The following SLC12A6 variants were observed in gnomAD, a reference collection of about 807,000 sequenced individuals.
The protein encoded by SLC12A6 is solute carrier family 12 member 6.
A neutral mutation model predicts 135.3 loss-of-function variants in SLC12A6; 66 were observed. The ratio of observed to expected loss-of-function variants is 0.49; its 90% confidence interval spans 0.40 to 0.60. The LOEUF is 0.60. SLC12A6 is among the 20% of genes least tolerant of loss of function. SLC12A6 has a pLI of 0.00. For synonymous variants in SLC12A6, 513 were observed against 508.8 expected (o/e 1.01, Z -0.11); for missense variants, 1,058 against 1,452.3 (o/e 0.73, Z 4.41).
intron 2 of SLC12A6, among the ~76,000 whole-genome samples, chr15:34,333,367 T>A (rs567294669): frequency 6.6e-6 from 1 of 151,922 alleles, no homozygotes; most frequent in Non-Finnish European, 1.5e-5. Context: ...GCAGCTGGGA[T>A]TACAGGCGCA....
intron 23 of SLC12A6, 117 bp from the exon 24 acceptor site, chr15:34,236,316 T>C (rs1324245172): frequency 2.5e-6 from 2 of 796,186 alleles, no homozygotes; most frequent in African/African-American, 1.7e-5. Context: ...GAGAAGGAAT[T>C]TGTCATCCTT....
chr15:34,240,640 C>T (rs1282045033), intron 19 of SLC12A6, 21 bp downstream of exon 19: 6 of 1,607,736 alleles, frequency 3.7e-6, no homozygotes, highest in Middle Eastern at 1.7e-4. Context: ...AGTTCCAATA[C>T]CTCAAAAGCC....
At chr15:34,302,243 C>T (rs1030957054) in intron 2 of SLC12A6, among the ~76,000 whole-genome samples, 4 of 151,902 alleles carry the variant, frequency 2.6e-5, no homozygotes, top group African/African-American at 9.7e-5. Flanking sequence ...GTTTATTGGG[C>T]CAAATCCACA....
rs189961485 is a variant in SLC12A6, at chr15:34,264,361, G to A, written c.317-3341C>T. On this transcript the variant is annotated intron_variant, in intron 3 of 25. Coordinates refer to ENST00000354181, the MANE Select transcript of SLC12A6 (RefSeq NM_001365088.1). ...ATGATGTATTCTTTCCAAAAGAATG[G>A]AAGTTGAATCTAATCAAGCCTCGAA... Among the ~76,000 whole-genome samples the A allele has an allele frequency of 8.5e-5, 13 of 152,250 alleles. No homozygotes were observed. The South Asian group carries it at 2.5e-3, about 29-fold the overall frequency.
rs1234396852 is a variant in SLC12A6, at chr15:34,330,116, T to C, written c.271+6294A>G. Among the ~76,000 whole-genome samples, 6 of 152,330 alleles carry C rather than the reference T, an allele frequency of 3.9e-5. No homozygotes were observed. In the East Asian group the frequency reaches 1.2e-3, roughly 29 times the overall value. On this transcript the variant is annotated intron_variant, in intron 2 of 25. Transcript: ENST00000354181. The stretch of plus-strand genomic sequence containing the variant: ...CCCCCACTCGTCTCAAAAGTATCTT[T>C]TTTCAATTGTTTTATGCACATCAGA...
chr15:34,238,577 C>T (rs1228326955), intron 20 of SLC12A6, 176 bp from the exon 21 acceptor site: 1 of 656,530 alleles, frequency 1.5e-6, no homozygotes, highest in Non-Finnish European at 2.7e-6. Context: ...GAATAGCTAA[C>T]AGACTGAGAA....
chr15:34,294,488 C>T (rs116417207), intron 2 of SLC12A6, among the ~76,000 whole-genome samples: 3,862 of 152,250 alleles, frequency 0.025, 151 homozygotes, highest in African/African-American at 0.083. Flanking sequence ...AACTCTTGAC[C>T]GCGTGATTCA....
At chr15:34,326,627 C>A (rs9972432) in intron 2 of SLC12A6, among the ~76,000 whole-genome samples, 1 of 151,956 alleles carries the variant, frequency 6.6e-6, no homozygotes, top group South Asian at 2.1e-4. Flanking sequence ...AATACCTATT[C>A]TTATGCCAGA....
chr15:34,310,915 C>CTGTAAA (rs1888208877), intron 2 of SLC12A6, among the ~76,000 whole-genome samples: 1 of 151,956 alleles, frequency 6.6e-6, no homozygotes, highest in South Asian at 2.1e-4. Context: ...CCACCAAGCC[C>CTGTAAA]AGCCAAATCA....
At chr15:34,290,458 G>C (rs558467313) in intron 2 of SLC12A6, among the ~76,000 whole-genome samples, 52 of 152,312 alleles carry the variant, frequency 3.4e-4, no homozygotes, top group African/African-American at 1.2e-3. Context: ...ATATTCCGTT[G>C]ATTTGGGGTG....
chr15:34,256,337 T>C lies in SLC12A6; in HGVS notation c.691-54A>G, dbSNP rs1464476997. Reference sequence around the variant, plus strand: ...TTACTGTGTAAAGATGACATTTCTATACTACTTCTCCATTTGTGTTCCAAG... The same window carrying C: ...TTACTGTGTAAAGATGACATTTCTACACTACTTCTCCATTTGTGTTCCAAG... On this transcript the variant is annotated intron_variant, in intron 6 of 25. Coordinates refer to ENST00000354181, the MANE Select transcript of SLC12A6 (RefSeq NM_001365088.1). 5.7e-5 allele frequency: 69 copies of C among 1,214,242 alleles called. 1 individual carries two copies. The East Asian group carries it at 1.1e-3, about 19-fold the overall frequency. 75.2% of individuals were successfully genotyped at this position (1,214,242 alleles called of 1,614,324 possible). A position where few individuals can be genotyped will look rare whatever the true frequency, so the allele number is the denominator to read the frequency against.
At chr15:34,305,954 G>C (rs1896580116) in intron 2 of SLC12A6, among the ~76,000 whole-genome samples, 1 of 151,762 alleles carries the variant, frequency 6.6e-6, no homozygotes, top group Non-Finnish European at 1.5e-5. Context: ...GTAGAGATGG[G>C]GTTTCCCCAT....
rs10588100 is a variant in SLC12A6, at chr15:34,271,602, T to TACACACACACACACACAC, written c.316+3725_316+3742dup. On this transcript the variant is annotated intron_variant, in intron 3 of 25. Transcript: ENST00000354181. ...CTAAAAATTTTTTTAAGTGCAAAGC[T>TACACACACACACACACAC]ACACACACACACACACACACACACA... Among the ~76,000 whole-genome samples the TACACACACACACACACAC allele has an allele frequency of 5.1e-3, 762 of 148,928 alleles. 7 individuals carry two copies. The highest frequency in any genetic ancestry group is 0.029 in the South Asian group (136 of 4,664).
At chr15:34,329,252 G>T (rs967965241) in intron 2 of SLC12A6, among the ~76,000 whole-genome samples, 1 of 152,224 alleles carries the variant, frequency 6.6e-6, no homozygotes, top group Non-Finnish European at 1.5e-5. Context: ...TGATGGCTCA[G>T]GGCACAAAGG....
At chr15:34,328,779 A>T (rs1889641770) in intron 2 of SLC12A6, among the ~76,000 whole-genome samples, 1 of 152,112 alleles carries the variant, frequency 6.6e-6, no homozygotes. Flanking sequence ...GCTACTCAGG[A>T]GGCTGAGGTG....
intron 2 of SLC12A6, among the ~76,000 whole-genome samples, chr15:34,332,853 C>T (rs1889946604): frequency 6.6e-6 from 1 of 151,480 alleles, no homozygotes; most frequent in African/African-American, 2.4e-5. Context: ...GTTTTATAGC[C>T]ACATGGTTAT....
rs750280662 is a variant in SLC12A6 at position 34,238,208 on chromosome 15, TAA to T, written c.2802+22_2802+23del. On this transcript the variant is annotated intron_variant, in intron 21 of 25. Transcript: ENST00000354181. ...AGGACAGAAGGGAGAAAGACTTTTG[TAA>T]AAAAAAAGTTGTATAAAATACCTTG... 7.8e-6 allele frequency: 12 copies of T among 1,542,756 alleles called. No individual in the cohort carries two copies. The Admixed American group carries it at 2.0e-4, about 26-fold the overall frequency.
At chr15:34,294,888 C>T (rs1391706712) in intron 2 of SLC12A6, among the ~76,000 whole-genome samples, 1 of 152,142 alleles carries the variant, frequency 6.6e-6, no homozygotes, top group African/African-American at 2.4e-5. Flanking sequence ...CTAAATAATC[C>T]ACGTTAGCTT....
chr15:34,252,127 C>A, intron 10 of SLC12A6, 43 bp downstream of exon 10: 1 of 1,023,778 alleles, frequency 9.8e-7, no homozygotes. Context: ...CCTATTTTCC[C>A]CAGAAAATAG....
Sources: allele counts gnomAD v4.1 joint callset (sites outside exome capture counted in the v4.1 genomes callset), GRCh38; gene constraint gnomAD v4.1.1; transcripts MANE v1.5; gene names NCBI Gene and HGNC (gene_info 2026-07-23, HGNC 2026-07-21).